Variants in PPP6R2 observed in about 807,000 individuals in gnomAD.
PPP6R2 encodes serine/threonine-protein phosphatase 6 regulatory subunit 2.
Under a neutral mutation model 100.2 loss-of-function variants are expected in PPP6R2, and 62 were observed. That is an observed-to-expected ratio of 0.62 (90% CI 0.50 to 0.76). The LOEUF (loss-of-function observed/expected upper bound fraction) is 0.76, where lower values mean the gene tolerates loss of function less well. Among genes scored for constraint, PPP6R2 ranks in the 30% least tolerant of loss-of-function variants. PPP6R2 has a pLI of 0.00. For synonymous variants in PPP6R2, 525 were observed against 514.7 expected (o/e 1.02, Z -0.27); for missense variants, 1,142 against 1,276.3 (o/e 0.89, Z 1.60).
At chr22:50,435,926 G>A (rs1401247031) in intron 13 of PPP6R2, among the ~76,000 whole-genome samples, 3 of 152,184 alleles carry the variant, frequency 2.0e-5, no homozygotes, top group Non-Finnish European at 4.4e-5. Flanking sequence ...TGACCTCCCC[G>A]GAAAAACAGG....
At chr22:50,437,685 T>C (rs1396480617) in intron 16 of PPP6R2, 82 bp downstream of exon 16, 11 of 1,431,136 alleles carry the variant, frequency 7.7e-6, no homozygotes, top group Non-Finnish European at 1.1e-5. Flanking sequence ...CCCTGAGGTC[T>C]TGCCGGGAGT....
At chr22:50,432,452 C>T (rs1013319069) in intron 12 of PPP6R2, 123 bp downstream of exon 12, 9 of 917,912 alleles carry the variant, frequency 9.8e-6, no homozygotes, top group African/African-American at 3.3e-5. Context: ...GTAGGGTGTG[C>T]GACGTGGCTC....
At chr22:50,436,707 T>C (rs537465872) in intron 14 of PPP6R2, among the ~76,000 whole-genome samples, 2 of 152,296 alleles carry the variant, frequency 1.3e-5, no homozygotes, top group South Asian at 4.1e-4. Context: ...CTCAGGTCCC[T>C]TTCCTCCCAC....
At chr22:50,416,206 G>T in intron 6 of PPP6R2, 49 bp downstream of exon 6, 1 of 1,528,242 alleles carries the variant, frequency 6.5e-7, no homozygotes, top group South Asian at 1.1e-5. Flanking sequence ...GGCCTGTGCT[G>T]CCAGGTCACC....
upstream of PPP6R2, among the ~76,000 whole-genome samples, chr22:50,342,089 C>A (rs976690363): frequency 6.6e-6 from 1 of 152,152 alleles, no homozygotes; most frequent in Non-Finnish European, 1.5e-5. Context: ...TGCACGTGCT[C>A]ACGGCAGCAG....
Position 50,437,495 on chromosome 22 carries a change from C to A in PPP6R2, c.1684-11C>A. ...TGTCTGTCCGTCCCTCCCTCCCTCCCTCCCTCCCAGGCCTTCTCTGACTAC... is the reference window on the plus strand; with the variant it reads ...TGTCTGTCCGTCCCTCCCTCCCTCCATCCCTCCCAGGCCTTCTCTGACTAC... On this transcript the variant is annotated splice_polypyrimidine_tract_variant and intron_variant, in intron 15 of 23. Transcript: ENST00000612753. The A allele has an allele frequency of 4.8e-6, 6 of 1,255,176 alleles. No individual in the cohort carries two copies. Among genetic ancestry groups the A allele is most frequent in the South Asian group, 2.4e-5 (2 of 83,488 alleles). The allele number at this position is 1,255,176 out of a possible 1,614,324, so 77.8% of individuals were successfully genotyped here. A position where few individuals can be genotyped will look rare whatever the true frequency, so the allele number is the denominator to read the frequency against.
intron 10 of PPP6R2, among the ~76,000 whole-genome samples, chr22:50,429,993 T>A (rs1031198790): frequency 6.6e-6 from 1 of 152,228 alleles, no homozygotes; most frequent in Non-Finnish European, 1.5e-5. Context: ...AATCCTGGTG[T>A]GGAATATACA....
intron 12 of PPP6R2, 48 bp downstream of exon 12, chr22:50,432,377 T>A (rs1034491524): frequency 1.3e-6 from 2 of 1,495,820 alleles, no homozygotes; most frequent in Non-Finnish European, 1.8e-6. Flanking sequence ...CAGTCAGGGA[T>A]GCAGAGACGC....
At chr22:50,348,199 G>A (rs993967772) in intron 1 of PPP6R2, among the ~76,000 whole-genome samples, 1 of 152,198 alleles carries the variant, frequency 6.6e-6, no homozygotes, top group African/African-American at 2.4e-5. Context: ...GCAGGTGTTA[G>A]TAGGGAGTTG....
Position 50,434,970 on chromosome 22 carries a change from G to A in PPP6R2, c.1405G>A (p.Ala469Thr). 6.2e-7 allele frequency: 1 copy of A among 1,603,434 alleles called. No homozygotes were observed. The change falls in exon 13 of 24, where the codon GCG (alanine) becomes ACG (threonine). Residue 469 changes from alanine to threonine, a missense_variant. Physicochemically the swap from Ala to Thr is moderately conservative, Grantham distance 58 (BLOSUM62 0). This residue lies in a region of PPP6R2 where 592 missense variants were observed against 758.9 expected (regional missense o/e 0.78). Coordinates refer to ENST00000612753, the MANE Select transcript of PPP6R2 (RefSeq NM_001242898.2). The stretch of plus-strand genomic sequence containing the variant: ...GATGGTGCCTGTTGCTTTCAGGGCA[G>A]CGGGTGGCATGAGACGTGGGAACAT... ...AWEANDHTQA[A>T]GGMRRGNMGH... is the part of the protein sequence containing the mutation.
chr22:50,384,337 C>T (rs1006878584), intron 2 of PPP6R2, among the ~76,000 whole-genome samples: 3 of 152,102 alleles, frequency 2.0e-5, no homozygotes, highest in Non-Finnish European at 2.9e-5. Context: ...GGGCAGATCA[C>T]GAGGTCAGTA....
Position 50,389,882 on chromosome 22 carries a change from C to T in PPP6R2, c.-16-4011C>T, listed in dbSNP as rs566818782. On this transcript the variant is annotated intron_variant, in intron 2 of 23. Coordinates refer to ENST00000612753, the MANE Select transcript of PPP6R2 (RefSeq NM_001242898.2). ...GGGATTACAGGCATGAGCCACAGTGCCCAGCCTGATGTGATCATTTTTGAG... is the reference window on the plus strand; with the variant it reads ...GGGATTACAGGCATGAGCCACAGTGTCCAGCCTGATGTGATCATTTTTGAG... Among the ~76,000 whole-genome samples, 33 of 152,170 alleles carry T rather than the reference C, an allele frequency of 2.2e-4. No homozygotes were observed. The South Asian group carries it at 3.1e-3, about 14-fold the overall frequency.
At chr22:50,437,263 G>A (rs1310946745) in intron 15 of PPP6R2, among the ~76,000 whole-genome samples, 195 bp downstream of exon 15, 4 of 152,250 alleles carry the variant, frequency 2.6e-5, no homozygotes, top group Non-Finnish European at 5.9e-5. Context: ...GAGCACTGAG[G>A]ACACGGCAGA....
chr22:50,363,467 T>C (rs1385586071), intron 1 of PPP6R2, among the ~76,000 whole-genome samples: 2 of 152,180 alleles, frequency 1.3e-5, no homozygotes, highest in Non-Finnish European at 2.9e-5. Context: ...ATATTCCTGG[T>C]GTCTGGAGTT....
chr22:50,360,541 G>C (rs2047584394), intron 1 of PPP6R2, among the ~76,000 whole-genome samples: 1 of 151,998 alleles, frequency 6.6e-6, no homozygotes, highest in Non-Finnish European at 1.5e-5. Context: ...TTAAAAAAAG[G>C]TTTTTAGAGA....
the PPP6R2 span, among the ~76,000 whole-genome samples, chr22:50,334,605 C>T: frequency 1.3e-5 from 2 of 152,150 alleles, no homozygotes; most frequent in African/African-American, 4.8e-5. Context: ...TTGCCGCCCA[C>T]AATTTTGATC....
chr22:50,408,943 C>T (rs9616835), intron 4 of PPP6R2, among the ~76,000 whole-genome samples: 50 of 152,142 alleles, frequency 3.3e-4, no homozygotes, highest in African/African-American at 9.6e-4. Flanking sequence ...GGAGAAACCC[C>T]GTCTCTACTA....
chr22:50,370,512 T>A (rs995451845), intron 1 of PPP6R2, among the ~76,000 whole-genome samples: 1 of 151,672 alleles, frequency 6.6e-6, no homozygotes, highest in Non-Finnish European at 1.5e-5. Context: ...TGGTCTCGAA[T>A]GCCTGACCTC....
chr22:50,334,616 A>T, the PPP6R2 span, among the ~76,000 whole-genome samples: 2 of 152,010 alleles, frequency 1.3e-5, no homozygotes, highest in Non-Finnish European at 2.9e-5. Context: ...AATTTTGATC[A>T]TTTGCATATC....
Sources: gnomAD v4.1 joint callset for allele counts (sites outside exome capture counted in the v4.1 genomes callset) on GRCh38, gnomAD v4.1.1 for gene constraint, gnomAD v4.1.1 regional missense constraint, MANE v1.5 for transcripts, NCBI Gene and HGNC (gene_info 2026-07-23, HGNC 2026-07-21) for gene names.